The following DSG4 variants were observed in gnomAD, a reference collection of about 807,000 sequenced individuals.
DSG4 encodes desmoglein-4.
In DSG4, 87 loss-of-function variants were observed where a neutral mutation model predicts 93.1. The ratio of observed to expected loss-of-function variants is 0.93; its 90% CI spans 0.79 to 1.12. The LOEUF (loss-of-function observed/expected upper bound fraction) is 1.12, where lower values mean the gene tolerates loss of function less well. DSG4 is among the 50% of genes most tolerant of loss of function. The probability of loss-of-function intolerance (pLI) is 0.00; values close to 1 mark genes in which losing one functional copy is unlikely to be tolerated. For synonymous variants in DSG4, 432 were observed against 452.9 expected (o/e 0.95, Z 0.59); for missense variants, 1,373 against 1,285.7 (o/e 1.07, Z -1.04).
intron 10 of DSG4, among the ~76,000 whole-genome samples, chr18:31,402,135 A>G (rs2072374725): frequency 6.6e-6 from 1 of 152,238 alleles, no homozygotes; most frequent in East Asian, 1.9e-4. Context: ...AGAGAGAGAA[A>G]GTGCTGTCAA....
rs1476852380 is a variant in DSG4 at position 31,412,890 on chromosome 18, T to C, written c.2418T>C (p.Tyr806=). 7 of 1,614,266 alleles carry C rather than the reference T, an allele frequency of 4.3e-6. No individual in the cohort carries two copies. The highest frequency in any genetic ancestry group is 4.5e-5 in the East Asian group (2 of 44,888). The change falls in exon 16 of 16, where the codon TAT becomes TAC. Residue 806 remains tyrosine (Y), a synonymous_variant. Transcript: ENST00000308128. ...CAGCCAATGACTGCTTGCTCATTTA[T>C]GACCACGAGGGAGTCGGGTCTCCCG... ...GRPANDCLLI[Y]DHEGVGSPVG...
chr18:31,389,898 C>G (rs1263337992), intron 5 of DSG4, among the ~76,000 whole-genome samples: 1 of 152,108 alleles, frequency 6.6e-6, no homozygotes, highest in Non-Finnish European at 1.5e-5. Context: ...ACTCCGAAGT[C>G]CATCTTTGCT....
At chr18:31,409,855 T>A (rs2144216600) in intron 14 of DSG4, 47 bp downstream of exon 14, 1 of 1,603,272 alleles carries the variant, frequency 6.2e-7, no homozygotes, top group East Asian at 2.2e-5. Context: ...TTTTCAAAAT[T>A]ATTCAACCAG....
chr18:31,384,159 T>C (rs1026363922), intron 1 of DSG4, among the ~76,000 whole-genome samples: 6 of 152,146 alleles, frequency 3.9e-5, no homozygotes, highest in Admixed American at 2.0e-4. Context: ...TAATAAGTAA[T>C]ATTTATTTAA....
intron 1 of DSG4, among the ~76,000 whole-genome samples, chr18:31,380,094 T>TG (rs1237608469): frequency 6.6e-6 from 1 of 152,178 alleles, no homozygotes; most frequent in Non-Finnish European, 1.5e-5. Context: ...GCAGAGTCCA[T>TG]GGGGAGAACC....
At position 31,391,337 on chromosome 18, in the gene DSG4, G is replaced by T. The variant is rs1187232305; in HGVS notation, c.819+125G>T. 3 of 1,357,280 alleles carry T rather than the reference G, an allele frequency of 2.2e-6. No homozygotes were observed. In the African/African-American group the frequency reaches 4.3e-5, roughly 20 times the overall value. The allele number at this position is 1,357,280 out of a possible 1,614,324, so 84.1% of individuals were successfully genotyped here. ...CCTATGTGTGGACATACTCAACTTTGTTATAGAAACTTTGGAATTTCTTAT... is the reference window on the plus strand; with the variant it reads ...CCTATGTGTGGACATACTCAACTTTTTTATAGAAACTTTGGAATTTCTTAT... On this transcript the variant is annotated intron_variant, in intron 7 of 15. Coordinates refer to ENST00000308128, the MANE Select transcript of DSG4 (RefSeq NM_177986.5).
intron 1 of DSG4, among the ~76,000 whole-genome samples, chr18:31,378,945 C>T (rs1363277551): frequency 1.3e-5 from 2 of 152,148 alleles, no homozygotes; most frequent in Non-Finnish European, 2.9e-5. Flanking sequence ...TTGCAGCTTA[C>T]ACTAATGAGG....
intron 3 of DSG4, 22 bp from the exon 4 acceptor site, chr18:31,388,345 A>G: frequency 6.2e-7 from 1 of 1,612,094 alleles, no homozygotes. Context: ...CTGGATCACA[A>G]TCCTAGCTAT....
chr18:31,398,271 T>C (rs1271841484), intron 8 of DSG4, among the ~76,000 whole-genome samples: 1 of 152,112 alleles, frequency 6.6e-6, no homozygotes, highest in Non-Finnish European at 1.5e-5. Context: ...GGAATCAAAA[T>C]CTCAAACCTC....
At chr18:31,393,199 A>T (rs2144183456) in intron 8 of DSG4, among the ~76,000 whole-genome samples, 1 of 152,336 alleles carries the variant, frequency 6.6e-6, no homozygotes, top group African/African-American at 2.4e-5. Context: ...ATATTAAGAC[A>T]TATATGTACA....
Position 31,403,531 on chromosome 18 carries a change from C to G in DSG4, c.1533C>G (p.Val511=), listed in dbSNP as rs1247697866. Residue 511 remains valine (V), a synonymous_variant, in exon 11 of 16, where the codon GTC becomes GTG. Transcript: ENST00000308128. ...CCATCTGCATTGACTCTCCATCAGT[C>G]CTTATCTCTGTTAATGAACATTCTT... is the stretch of plus-strand genomic sequence containing the variant. The part of the protein sequence containing the change: ...RRTICIDSPS[V]LISVNEHSYG... 2.5e-6 allele frequency: 4 copies of G among 1,614,038 alleles called. No homozygotes were observed. The South Asian group carries it at 3.3e-5, about 13-fold the overall frequency.
intron 2 of DSG4, among the ~76,000 whole-genome samples, chr18:31,386,411 C>T (rs988615581): frequency 6.6e-6 from 1 of 152,148 alleles, no homozygotes; most frequent in Admixed American, 6.6e-5. Context: ...AACTGCACAA[C>T]TTATACAGTA....
At chr18:31,403,068 A>C (rs920742189) in intron 10 of DSG4, among the ~76,000 whole-genome samples, 7 of 151,998 alleles carry the variant, frequency 4.6e-5, no homozygotes, top group Non-Finnish European at 7.4e-5. Flanking sequence ...GAGATTAGAA[A>C]CCAGTAAACC....
Position 31,413,707 on chromosome 18 carries a change from A to G in DSG4, c.*112A>G. 7.2e-7 allele frequency: 1 copy of G among 1,382,896 alleles called. No individual in the cohort carries two copies. Among genetic ancestry groups the G allele is most frequent in the Admixed American group, 1.8e-5 (1 of 54,506 alleles). The allele number at this position is 1,382,896 out of a possible 1,614,324, so 85.7% of individuals were successfully genotyped here. ...ATTAATAGTCAACAAATACTCAGAT[A>G]TTCTAAGGTCAATGCCATTATTTGA... On this transcript the variant is annotated 3_prime_UTR_variant, in exon 16 of 16. Transcript: ENST00000308128.
In DSG4 at chr18:31,412,795, A is replaced by G. The variant is rs1185227318; in HGVS notation, c.2356-33A>G. On this transcript the variant is annotated intron_variant, in intron 15 of 15. Coordinates refer to ENST00000308128, the MANE Select transcript of DSG4 (RefSeq NM_177986.5). ...TTCTTCCTTATTTTAGGGAAAAAGAAATTTCTAATTCTGTATTTCCTTTTA... is the reference window on the plus strand; with the variant it reads ...TTCTTCCTTATTTTAGGGAAAAAGAGATTTCTAATTCTGTATTTCCTTTTA... 1.9e-6 allele frequency: 3 copies of G among 1,612,344 alleles called. No homozygotes were observed. The South Asian group carries it at 3.3e-5, about 18-fold the overall frequency.
chr18:31,407,927 C>T (rs2072445472), intron 12 of DSG4, among the ~76,000 whole-genome samples: 1 of 152,180 alleles, frequency 6.6e-6, no homozygotes, highest in African/African-American at 2.4e-5. Context: ...TGTTCAAGCC[C>T]TTTGGTGAGA....
intron 1 of DSG4, among the ~76,000 whole-genome samples, chr18:31,381,030 G>A (rs1200816149): frequency 6.6e-6 from 1 of 152,078 alleles, no homozygotes; most frequent in East Asian, 1.9e-4. Flanking sequence ...TTCCTCTCTG[G>A]AATACATACA....
In DSG4 at chr18:31,376,877, C is replaced by T; in HGVS notation, c.-35C>T. 1 of 1,612,988 alleles carries T rather than the reference C, an allele frequency of 6.2e-7. No homozygotes were observed. Among genetic ancestry groups the T allele is most frequent in the Non-Finnish European group, 8.5e-7 (1 of 1,179,238 alleles). ...GAGAAGACGAGGGCTCAAATTGAAT[C>T]TCACAGGATTTGCGTGCAAGAGAAA... On this transcript the variant is annotated 5_prime_UTR_variant, in exon 1 of 16. Coordinates refer to ENST00000308128, the MANE Select transcript of DSG4 (RefSeq NM_177986.5).
At position 31,414,323 on chromosome 18, in the gene DSG4, T is replaced by C. The variant is rs1046997861; in HGVS notation, c.*728T>C. The C allele has an allele frequency of 6.6e-6, 1 of 152,152 alleles. No homozygotes were observed. The highest frequency in any genetic ancestry group is 2.4e-5 in the African/African-American group (1 of 41,446). The allele number at this position is 152,152 out of a possible 1,614,324, so 9.4% of individuals were successfully genotyped here. A position where few individuals can be genotyped will look rare whatever the true frequency, so the allele number is the denominator to read the frequency against. ...GACAATCCTAAAGTAGAAAGAGTTA[T>C]TGGGGAAATATTAGAGTTTTCCCCA... On this transcript the variant is annotated 3_prime_UTR_variant, in exon 16 of 16. Coordinates refer to ENST00000308128, the MANE Select transcript of DSG4 (RefSeq NM_177986.5).
Sources: gnomAD v4.1 joint callset for allele counts (sites outside exome capture counted in the v4.1 genomes callset) on GRCh38, gnomAD v4.1.1 for gene constraint, MANE v1.5 for transcripts, NCBI Gene and HGNC (gene_info 2026-07-23, HGNC 2026-07-21) for gene names.